CNTN1: variants seen among roughly 807,000 people sequenced by gnomAD.
CNTN1 encodes contactin 1.
Under a neutral mutation model 126.4 loss-of-function variants are expected in CNTN1, and 38 were observed. That is an observed-to-expected ratio of 0.30 (90% CI 0.23 to 0.39). CNTN1 has a LOEUF of 0.39. Among genes scored for constraint, CNTN1 ranks in the 10% least tolerant of loss-of-function variants. CNTN1 has a pLI of 1.00. For synonymous variants in CNTN1, 413 were observed against 422.6 expected (o/e 0.98, Z 0.28); for missense variants, 1,009 against 1,248.4 (o/e 0.81, Z 2.89).
chr12:40,988,915 G>T (rs1388374472), intron 16 of CNTN1, among the ~76,000 whole-genome samples: 3 of 152,148 alleles, frequency 2.0e-5, no homozygotes, highest in Non-Finnish European at 2.9e-5. Context: ...GCCTGACTCA[G>T]AACTGACCCG....
intron 6 of CNTN1, among the ~76,000 whole-genome samples, chr12:40,926,346 C>G (rs997785404): frequency 5.9e-5 from 9 of 151,720 alleles, no homozygotes; most frequent in South Asian, 2.1e-4. Context: ...TATGAGTATC[C>G]GAGAGAAGAG....
At chr12:40,725,219 T>C (rs1416749023) in intron 1 of CNTN1, among the ~76,000 whole-genome samples, 1 of 151,834 alleles carries the variant, frequency 6.6e-6, no homozygotes, top group Non-Finnish European at 1.5e-5. Flanking sequence ...CTGACCAACA[T>C]GGAGAAACCC....
intron 3 of CNTN1, among the ~76,000 whole-genome samples, chr12:40,917,061 C>CGG (rs141873598): frequency 0.012 from 322 of 27,126 alleles, no homozygotes; most frequent in Middle Eastern, 0.047. Context: ...GTGGTGGGGG[C>CGG]GGGGGGGGGG....
intron 15 of CNTN1, among the ~76,000 whole-genome samples, chr12:40,965,650 A>G (rs1234962808): frequency 1.3e-5 from 2 of 152,146 alleles, no homozygotes; most frequent in Admixed American, 6.6e-5. Context: ...TTCTATTTGC[A>G]TGACTAGCTC....
intron 1 of CNTN1, among the ~76,000 whole-genome samples, chr12:40,723,117 TG>T (rs977438909): frequency 5.8e-4 from 88 of 152,156 alleles, no homozygotes; most frequent in African/African-American, 2.1e-3. Context: ...GGATAGTGCA[TG>T]TACTGGCGGG....
At chr12:41,052,826 G>A (rs201582609) in intron 23 of CNTN1, among the ~76,000 whole-genome samples, 5 of 151,672 alleles carry the variant, frequency 3.3e-5, no homozygotes, top group East Asian at 1.9e-4. Flanking sequence ...AACATGAATC[G>A]GATTTCCAGT....
chr12:40,831,458 A>G (rs563079827), intron 1 of CNTN1, among the ~76,000 whole-genome samples: 1 of 152,208 alleles, frequency 6.6e-6, no homozygotes, highest in South Asian at 2.1e-4. Flanking sequence ...TGCAAGTATG[A>G]ATCTACAACA....
chr12:40,950,421 TTAAG>T (rs1946630080), intron 14 of CNTN1, among the ~76,000 whole-genome samples: 1 of 152,096 alleles, frequency 6.6e-6, no homozygotes, highest in African/African-American at 2.4e-5. Context: ...CCAAAATAGT[TTAAG>T]TAGTAGAGGA....
At chr12:40,998,378 G>T (rs1164740177) in intron 17 of CNTN1, among the ~76,000 whole-genome samples, 8 of 151,976 alleles carry the variant, frequency 5.3e-5, no homozygotes, top group Admixed American at 5.2e-4. Context: ...TCATTTCATT[G>T]TGCAACTAAA....
At chr12:40,985,459 T>A (rs1257524982) in intron 16 of CNTN1, among the ~76,000 whole-genome samples, 1 of 152,124 alleles carries the variant, frequency 6.6e-6, no homozygotes, top group Non-Finnish European at 1.5e-5. Flanking sequence ...TTTAATTTCA[T>A]CTTTAAGTAT....
At chr12:40,779,838 A>T (rs1939724046) in intron 1 of CNTN1, among the ~76,000 whole-genome samples, 2 of 152,014 alleles carry the variant, frequency 1.3e-5, no homozygotes, top group South Asian at 4.1e-4. Flanking sequence ...GATATATTTT[A>T]GCTAGATTAT....
At chr12:40,779,237 G>T (rs945339270) in intron 1 of CNTN1, among the ~76,000 whole-genome samples, 2 of 151,702 alleles carry the variant, frequency 1.3e-5, no homozygotes, top group Admixed American at 1.3e-4. Flanking sequence ...AATTTACTCA[G>T]AATATTCTTC....
At chr12:40,776,486 G>C (rs1367345589) in intron 1 of CNTN1, among the ~76,000 whole-genome samples, 1 of 151,364 alleles carries the variant, frequency 6.6e-6, no homozygotes, top group African/African-American at 2.4e-5. Flanking sequence ...GTGAAATACT[G>C]TGGGGTCAAT....
chr12:40,763,684 G>T (rs2136420337), intron 1 of CNTN1, among the ~76,000 whole-genome samples: 1 of 152,252 alleles, frequency 6.6e-6, no homozygotes, highest in South Asian at 2.1e-4. Flanking sequence ...GGGTGCCACA[G>T]AATAAAATGA....
At chr12:41,036,477 A>G (rs1238058074) in intron 23 of CNTN1, among the ~76,000 whole-genome samples, 1 of 152,196 alleles carries the variant, frequency 6.6e-6, no homozygotes, top group Non-Finnish European at 1.5e-5. Context: ...AAGAAGGACA[A>G]TAAATTAGCT....
chr12:40,914,530 A>G (rs1473409512), intron 3 of CNTN1, among the ~76,000 whole-genome samples: 1 of 152,176 alleles, frequency 6.6e-6, no homozygotes, highest in African/African-American at 2.4e-5. Flanking sequence ...AAGTTTAGAA[A>G]GCAAGAAGAA....
rs1040741152 is a variant in CNTN1 at position 40,937,656 on chromosome 12, C to T, written c.1197C>T (p.Ala399=). ...GCATAGCTGAAAACACATATGGAGCCATTTATGCAAATGCTGAGTTGAAGA... is the reference window on the plus strand; with the variant it reads ...GCATAGCTGAAAACACATATGGAGCTATTTATGCAAATGCTGAGTTGAAGA... ...YQCIAENTYG[A]IYANAELKIL... The change falls in exon 11 of 24, where the codon GCC becomes GCT. Residue 399 remains alanine (A), a synonymous_variant. Coordinates refer to ENST00000551295, the MANE Select transcript of CNTN1 (RefSeq NM_001843.4). The T allele has an allele frequency of 1.9e-6, 3 of 1,610,834 alleles. No homozygotes were observed. Among genetic ancestry groups the T allele is most frequent in the South Asian group, 2.2e-5 (2 of 91,022 alleles).
At chr12:40,995,485 G>T (rs1380741363) in intron 17 of CNTN1, among the ~76,000 whole-genome samples, 3 of 150,288 alleles carry the variant, frequency 2.0e-5, no homozygotes, top group African/African-American at 7.3e-5. Context: ...TAGGGGAGAA[G>T]GAAAAAATAA....
chr12:40,799,851 T>G (rs141913708), intron 1 of CNTN1, among the ~76,000 whole-genome samples: 28 of 152,154 alleles, frequency 1.8e-4, no homozygotes, highest in African/African-American at 6.0e-4. Flanking sequence ...GGCATTATTA[T>G]TAGTAGTAGT....
Sources: allele counts gnomAD v4.1 joint callset (sites outside exome capture counted in the v4.1 genomes callset), GRCh38; gene constraint gnomAD v4.1.1; transcripts MANE v1.5; gene names NCBI Gene and HGNC (gene_info 2026-07-23, HGNC 2026-07-21).